EFHD1: variants seen among roughly 807,000 people sequenced by gnomAD.
EFHD1 encodes EF-hand domain-containing protein D1.
EFHD1 carries 10 observed loss-of-function variants against 17.2 expected under a neutral mutation model. The observed-to-expected ratio is 0.58, with a 90% CI of 0.36 to 0.99. The LOEUF (loss-of-function observed/expected upper bound fraction) is 0.99, where lower values mean the gene tolerates loss of function less well. Ranked by LOEUF, EFHD1 falls within the 50% of genes least tolerant of loss-of-function variation. EFHD1 has a pLI of 0.01. For missense variants in EFHD1, 310 were observed against 327.5 expected (o/e 0.95, Z 0.41); for synonymous variants, 153 against 142.0 (o/e 1.08, Z -0.55).
intron 1 of EFHD1, among the ~76,000 whole-genome samples, chr2:232,639,755 T>G (rs946951336): frequency 1.3e-5 from 2 of 152,240 alleles, no homozygotes; most frequent in Admixed American, 1.3e-4. Flanking sequence ...CTACAATTGA[T>G]ATTCATCTTA....
intron 1 of EFHD1, among the ~76,000 whole-genome samples, chr2:232,608,580 G>C (rs530627271): frequency 6.6e-6 from 1 of 152,262 alleles, no homozygotes; most frequent in Non-Finnish European, 1.5e-5. Flanking sequence ...GGAGCCAATT[G>C]TACTTGGGAA....
chr2:232,640,774 C>G (rs1024277308), intron 1 of EFHD1, among the ~76,000 whole-genome samples: 7 of 152,116 alleles, frequency 4.6e-5, no homozygotes, highest in African/African-American at 1.4e-4. Context: ...TGACCTCAGG[C>G]TGCTGCATTC....
Position 232,628,237 on chromosome 2 carries a change from G to T in EFHD1, c.14+22064G>T, listed in dbSNP as rs1694143369. ...CACCAAGGCCAGCTAATTTTTGTAT[G>T]TTTAGTAGAGACGGGGTTTCACCGT... On this transcript the variant is annotated intron_variant, in intron 1 of 3. Transcript: ENST00000409613. 2.6e-5 allele frequency among the ~76,000 whole-genome samples: 4 copies of T among 151,918 alleles called. No homozygotes were observed. The South Asian group carries it at 8.3e-4, about 32-fold the overall frequency.
intron 1 of EFHD1, among the ~76,000 whole-genome samples, chr2:232,647,643 C>CTTTTTTTTTTTTT (rs79776217): frequency 2.1e-5 from 3 of 141,556 alleles, no homozygotes; most frequent in Non-Finnish European, 3.1e-5. Context: ...CCTGTTAGAA[C>CTTTTTTTTTTTTT]TTTTTTTTTT....
intron 1 of EFHD1, among the ~76,000 whole-genome samples, chr2:232,617,062 T>C (rs1448807427): frequency 1.3e-5 from 2 of 152,216 alleles, no homozygotes; most frequent in African/African-American, 4.8e-5. Flanking sequence ...GTGTGGGACC[T>C]GAGCTGGGAT....
At chr2:232,678,383 C>G (rs1574738249) in intron 3 of EFHD1, among the ~76,000 whole-genome samples, 1 of 152,002 alleles carries the variant, frequency 6.6e-6, no homozygotes, top group East Asian at 1.9e-4. Flanking sequence ...CATAGGTTAT[C>G]AAGAAAAAAG....
chr2:232,682,394 C>T lies in EFHD1; in HGVS notation c.*675C>T, dbSNP rs1695304718. 3 of 152,484 alleles carry T rather than the reference C, an allele frequency of 2.0e-5. No individual in the cohort carries two copies. The highest frequency in any genetic ancestry group is 7.2e-5 in the African/African-American group (3 of 41,436). The allele number at this position is 152,484 out of a possible 1,614,324, so 9.4% of individuals were successfully genotyped here. On this transcript the variant is annotated 3_prime_UTR_variant, in exon 4 of 4. Coordinates refer to ENST00000264059, the MANE Select transcript of EFHD1 (RefSeq NM_025202.4). ...TTGCTCCGTCTATGTCTTCCCAGCT[C>T]AGCCTTTTCCCCACTCTTAAATACT...
intron 2 of EFHD1, among the ~76,000 whole-genome samples, chr2:232,664,884 A>G (rs1450627709): frequency 6.6e-6 from 1 of 151,884 alleles, no homozygotes; most frequent in East Asian, 1.9e-4. Flanking sequence ...AAGTGCTGGG[A>G]TTACAGGTGT....
At chr2:232,669,755 C>G (rs1695035283) in intron 2 of EFHD1, among the ~76,000 whole-genome samples, 1 of 152,094 alleles carries the variant, frequency 6.6e-6, no homozygotes, top group Non-Finnish European at 1.5e-5. Context: ...CAGGCACCAC[C>G]ACGCCCGGCT....
At chr2:232,635,959 A>G (rs1267545021) in intron 1 of EFHD1, among the ~76,000 whole-genome samples, 1 of 152,224 alleles carries the variant, frequency 6.6e-6, no homozygotes, top group Non-Finnish European at 1.5e-5. Context: ...AAACAAAACG[A>G]GAATAATTTG....
chr2:232,649,993 T>TGG (rs1229192210), intron 1 of EFHD1: 1 of 150,842 alleles, frequency 6.6e-6, no homozygotes, highest in Non-Finnish European at 1.5e-5. Flanking sequence ...AGAGGGGAGG[T>TGG]GGGGTTAGGG....
At chr2:232,647,643 C>CTTTTTTTTTTTTTTT (rs79776217) in intron 1 of EFHD1, among the ~76,000 whole-genome samples, 1 of 141,556 alleles carries the variant, frequency 7.1e-6, no homozygotes. Context: ...CCTGTTAGAA[C>CTTTTTTTTTTTTTTT]TTTTTTTTTT....
upstream of EFHD1, chr2:232,633,475 G>T (rs887633125): frequency 1.3e-4 from 160 of 1,238,346 alleles, no homozygotes; most frequent in African/African-American, 2.3e-3. Flanking sequence ...AGACACCGGC[G>T]GCCTCCTCCC....
chr2:232,676,398 C>CTTTTTTTTTTTTT (rs890592506), intron 3 of EFHD1, among the ~76,000 whole-genome samples: 3 of 152,134 alleles, frequency 2.0e-5, no homozygotes, highest in African/African-American at 7.2e-5. Context: ...TAGGGAATGT[C>CTTTTTTTTTTTTT]TTTTTTTCCG....
At chr2:232,623,476 C>T (rs912639910) in intron 1 of EFHD1, among the ~76,000 whole-genome samples, 1 of 151,326 alleles carries the variant, frequency 6.6e-6, no homozygotes, top group African/African-American at 2.4e-5. Flanking sequence ...GAGTTCGAGA[C>T]CAGCCTGGCC....
intron 1 of EFHD1, among the ~76,000 whole-genome samples, chr2:232,658,880 A>G (rs553136747): frequency 5.5e-4 from 83 of 152,268 alleles, no homozygotes; most frequent in Non-Finnish European, 9.4e-4. Context: ...TGTACAGTGA[A>G]TTTTATGGTA....
intron 1 of EFHD1, among the ~76,000 whole-genome samples, chr2:232,661,330 C>T (rs1033705107): frequency 6.6e-6 from 1 of 152,028 alleles, no homozygotes; most frequent in Non-Finnish European, 1.5e-5. Flanking sequence ...TCTCCCAGCC[C>T]CTGGCAACCA....
chr2:232,638,127 C>T (rs1433648546), intron 1 of EFHD1: 4 of 263,384 alleles, frequency 1.5e-5, no homozygotes, highest in South Asian at 8.5e-5. Flanking sequence ...AATGAGAAGG[C>T]CCAGAAGAAA....
intron 1 of EFHD1, among the ~76,000 whole-genome samples, chr2:232,651,545 C>T (rs1346881612): frequency 6.6e-6 from 1 of 152,228 alleles, no homozygotes; most frequent in Non-Finnish European, 1.5e-5. Flanking sequence ...TGGACCCTAC[C>T]TGGGAGGCTG....
Sources: allele counts gnomAD v4.1 joint callset (sites outside exome capture counted in the v4.1 genomes callset), GRCh38; gene constraint gnomAD v4.1.1; transcripts MANE v1.5; gene names NCBI Gene and HGNC (gene_info 2026-07-23, HGNC 2026-07-21).